Variants in XIAP observed in about 807,000 individuals in gnomAD.
The protein encoded by XIAP is X-linked inhibitor of apoptosis.
Under a neutral mutation model 33.1 loss-of-function variants are expected in XIAP, and 3 were observed. The observed-to-expected ratio is 0.09, with a 90% CI of 0.04 to 0.23. The LOEUF (loss-of-function observed/expected upper bound fraction) is 0.23. XIAP is among the 10% of genes least tolerant of loss of function. The pLI, the probability that XIAP is intolerant of heterozygous loss-of-function variation, is 1.00. For synonymous variants in XIAP, 98 were observed against 121.3 expected (o/e 0.81, Z 1.26); for missense variants, 264 against 363.0 (o/e 0.73, Z 2.22).
chrX:123,894,952 A>ATAGG (rs1556406812), intron 5 of XIAP, among the ~76,000 whole-genome samples: 2 of 65,976 alleles, frequency 3.0e-5, no homozygotes, highest in Admixed American at 1.6e-4. Flanking sequence ...TCAAACATAA[A>ATAGG]TAAGTAAATA....
At chrX:123,875,432 A>G (rs1410956035) in intron 1 of XIAP, among the ~76,000 whole-genome samples, 1 of 112,274 alleles carries the variant, frequency 8.9e-6, no homozygotes, top group Non-Finnish European at 1.9e-5. Context: ...TTGCCAGATT[A>G]CCTTCCAGAA....
Position 123,911,136 on chromosome X carries a change from T to A in XIAP, c.*3955T>A. On this transcript the variant is annotated 3_prime_UTR_variant, in exon 7 of 7. Coordinates refer to ENST00000371199, the MANE Select transcript of XIAP (RefSeq NM_001167.4). ...CTAAAACTTAGAAAAAATTCTTACA[T>A]GATAACTCAGTGATGCTTACTCATA... 1 of 329,111 alleles carries A rather than the reference T, an allele frequency of 3.0e-6. No individual in the cohort carries two copies. The highest frequency in any genetic ancestry group is 3.1e-5 in the Admixed American group (1 of 32,177). 27.1% of individuals were successfully genotyped at this position (329,111 alleles called of 1,213,427 possible).
chrX:123,884,669 A>G (rs1456032385), intron 1 of XIAP, among the ~76,000 whole-genome samples: 1 of 111,114 alleles, frequency 9.0e-6, no homozygotes, highest in Non-Finnish European at 1.9e-5. Context: ...GGCAACCCTG[A>G]TTTATGCCTG....
chrX:123,871,005 C>T (rs1233346299), intron 1 of XIAP, among the ~76,000 whole-genome samples: 1 of 111,010 alleles, frequency 9.0e-6, no homozygotes, highest in Non-Finnish European at 1.9e-5. Flanking sequence ...TACATTGGCA[C>T]GATCTGGGCT....
intron 5 of XIAP, among the ~76,000 whole-genome samples, chrX:123,897,938 G>A (rs2053475701): frequency 8.9e-6 from 1 of 112,159 alleles, no homozygotes; most frequent in African/African-American, 3.2e-5. Context: ...ACAAGTAATG[G>A]AGCAACAAAA....
In XIAP at chrX:123,912,778, A is replaced by C. The variant is rs1199923618; in HGVS notation, c.*5597A>C. 1 of 326,905 alleles carries C rather than the reference A, an allele frequency of 3.1e-6. No homozygotes were observed. Among genetic ancestry groups the C allele is most frequent in the Non-Finnish European group, 5.9e-6 (1 of 169,216 alleles). The allele number at this position is 326,905 out of a possible 1,213,427, so 26.9% of individuals were successfully genotyped here. ...TGGCTCATGGCAAACTCTGCCTCGC[A>C]AGCAGCTGGGACTACAGGCATGCTC... On this transcript the variant is annotated 3_prime_UTR_variant, in exon 7 of 7. Coordinates refer to ENST00000371199, the MANE Select transcript of XIAP (RefSeq NM_001167.4).
chrX:123,912,409 C>T lies in XIAP; in HGVS notation c.*5228C>T, dbSNP rs1041798647. The T allele has an allele frequency of 4.6e-5, 15 of 323,900 alleles. No individual in the cohort carries two copies. The highest frequency in any genetic ancestry group is 8.9e-5 in the Non-Finnish European group (15 of 169,019). The allele number at this position is 323,900 out of a possible 1,213,427, so 26.7% of individuals were successfully genotyped here. A position where few individuals can be genotyped will look rare whatever the true frequency, so the allele number is the denominator to read the frequency against. On this transcript the variant is annotated 3_prime_UTR_variant, in exon 7 of 7. Transcript: ENST00000371199. ...AATATATTGTATTAGGTATTAAAGT[C>T]ATCTGGACATGAATTAAAGTATATG...
chrX:123,862,555 T>A (rs2053090374), intron 1 of XIAP, among the ~76,000 whole-genome samples: 1 of 109,235 alleles, frequency 9.2e-6, no homozygotes, highest in African/African-American at 3.3e-5. Flanking sequence ...CCCTTTTTTT[T>A]AATAAACCAC....
chrX:123,882,809 C>T (rs141989246), intron 1 of XIAP, among the ~76,000 whole-genome samples: 1,302 of 112,367 alleles, frequency 0.012, 16 homozygotes, highest in African/African-American at 0.039. Flanking sequence ...TTGAGACGCT[C>T]GCTCTGTCGC....
intron 1 of XIAP, among the ~76,000 whole-genome samples, chrX:123,875,135 G>A (rs2053232923): frequency 9.4e-6 from 1 of 106,289 alleles, no homozygotes; most frequent in African/African-American, 3.4e-5. Context: ...TGATTCTCCT[G>A]CCTCAGCGTC....
intron 1 of XIAP, chrX:123,879,319 T>G (rs1178714118): frequency 1.0e-5 from 1 of 98,587 alleles, no homozygotes; most frequent in African/African-American, 3.7e-5. Flanking sequence ...GAAAGAGTTT[T>G]TTTTTTTTTT....
At chrX:123,863,550 C>T (rs1275962882) in intron 1 of XIAP, among the ~76,000 whole-genome samples, 1 of 111,608 alleles carries the variant, frequency 9.0e-6, no homozygotes, top group African/African-American at 3.2e-5. Flanking sequence ...ACTCTTGTTG[C>T]CCAGGCTGGA....
intron 1 of XIAP, among the ~76,000 whole-genome samples, chrX:123,865,422 C>A (rs2053125623): frequency 9.1e-6 from 1 of 110,348 alleles, no homozygotes; most frequent in Non-Finnish European, 1.9e-5. Context: ...GTGTTGAATT[C>A]AAAACATAAA....
rs1156961909 is a variant in XIAP at position 123,909,264 on chromosome X, CAA to C, written c.*2084_*2085del. 6.1e-6 allele frequency: 2 copies of C among 327,375 alleles called. No individual in the cohort carries two copies. Among genetic ancestry groups the C allele is most frequent in the Non-Finnish European group, 1.2e-5 (2 of 168,778 alleles). The allele number at this position is 327,375 out of a possible 1,213,427, so 27.0% of individuals were successfully genotyped here. ...CAGGCTGGTATCAAACTCCTGACCT[CAA>C]GAGATCCACTCGCCTTGCCCTCCCA... On this transcript the variant is annotated 3_prime_UTR_variant, in exon 7 of 7. Transcript: ENST00000371199.
In XIAP at chrX:123,910,685, C is replaced by T. The variant is rs773152507; in HGVS notation, c.*3504C>T. 17 of 302,848 alleles carry T rather than the reference C, an allele frequency of 5.6e-5. No homozygotes were observed. Among genetic ancestry groups the T allele is most frequent in the Admixed American group, 1.1e-4 (3 of 28,246 alleles). The allele number at this position is 302,848 out of a possible 1,213,427, so 25.0% of individuals were successfully genotyped here. On this transcript the variant is annotated 3_prime_UTR_variant, in exon 7 of 7. Coordinates refer to ENST00000371199, the MANE Select transcript of XIAP (RefSeq NM_001167.4). ...GAGATCGAGACCATCCTGGCTAACA[C>T]GGTGAAACCCCGTCTCTACTAAAAA...
At chrX:123,903,342 C>T (rs1289059997) in intron 6 of XIAP, among the ~76,000 whole-genome samples, 2 of 108,792 alleles carry the variant, frequency 1.8e-5, no homozygotes, top group Non-Finnish European at 3.8e-5. Flanking sequence ...GCATGTGCCA[C>T]CACACCCTGT....
chrX:123,908,990 T>G lies in XIAP; in HGVS notation c.*1809T>G. The G allele has an allele frequency of 3.1e-6, 1 of 318,921 alleles. No individual in the cohort carries two copies. The highest frequency in any genetic ancestry group is 5.9e-6 in the Non-Finnish European group (1 of 169,311). 26.3% of individuals were successfully genotyped at this position (318,921 alleles called of 1,213,427 possible). ...CTCCTAACTTCTGTTGATTACTACTTTAAGTGATATTCATTTAAAACATTG... is the reference window on the plus strand; with the variant it reads ...CTCCTAACTTCTGTTGATTACTACTGTAAGTGATATTCATTTAAAACATTG... On this transcript the variant is annotated 3_prime_UTR_variant, in exon 7 of 7. Coordinates refer to ENST00000371199, the MANE Select transcript of XIAP (RefSeq NM_001167.4).
At chrX:123,868,803 A>G (rs774644383) in intron 1 of XIAP, among the ~76,000 whole-genome samples, 19 of 112,146 alleles carry the variant, frequency 1.7e-4, no homozygotes, top group Non-Finnish European at 3.2e-4. Context: ...TGTGGTTAAT[A>G]ATAGGTTATC....
Position 123,893,547 on chromosome X carries a change from AT to A in XIAP, c.1099+775del, listed in dbSNP as rs1278969961. Among the ~76,000 whole-genome samples, 4 of 111,249 alleles carry A rather than the reference AT, an allele frequency of 3.6e-5. No individual in the cohort carries two copies. In the Admixed American group the frequency reaches 3.9e-4, roughly 11 times the overall value. ...GTCTCAAAAAACAAAAATGAAAAAA[AT>A]AATTTAATGAAGTACTTATAAATTG... On this transcript the variant is annotated intron_variant, in intron 5 of 6. Coordinates refer to ENST00000371199, the MANE Select transcript of XIAP (RefSeq NM_001167.4).
Sources: allele counts gnomAD v4.1 joint callset (sites outside exome capture counted in the v4.1 genomes callset), GRCh38; gene constraint gnomAD v4.1.1; transcripts MANE v1.5; gene names NCBI Gene and HGNC (gene_info 2026-07-23, HGNC 2026-07-21).